PLCXD3: variants seen among roughly 807,000 people sequenced by gnomAD.
PLCXD3 encodes the protein PI-PLC X domain-containing protein 3.
Under a neutral mutation model 25.5 loss-of-function variants are expected in PLCXD3, and 19 were observed. The ratio of observed to expected loss-of-function variants is 0.75; its 90% CI spans 0.52 to 1.09. PLCXD3 has a LOEUF of 1.09. Among genes scored for constraint, PLCXD3 ranks in the 50% least tolerant of loss-of-function variants. PLCXD3 has a pLI of 0.00. For missense variants in PLCXD3, 411 were observed against 388.1 expected (o/e 1.06, Z -0.50); for synonymous variants, 174 against 137.6 (o/e 1.26, Z -1.85).
At chr5:41,428,771 G>A (rs1234411774) in intron 1 of PLCXD3, among the ~76,000 whole-genome samples, 2 of 152,038 alleles carry the variant, frequency 1.3e-5, no homozygotes, top group Non-Finnish European at 2.9e-5. Context: ...AACATTTAGT[G>A]CATTTTTCCA....
At chr5:41,429,316 A>T (rs1747038358) in intron 1 of PLCXD3, among the ~76,000 whole-genome samples, 1 of 152,082 alleles carries the variant, frequency 6.6e-6, no homozygotes, top group South Asian at 2.1e-4. Flanking sequence ...GGACAAAGAC[A>T]ACACTGCTAC....
intron 1 of PLCXD3, among the ~76,000 whole-genome samples, chr5:41,444,603 C>T (rs767131438): frequency 6.6e-6 from 1 of 152,122 alleles, no homozygotes; most frequent in Non-Finnish European, 1.5e-5. Flanking sequence ...GCAATACATG[C>T]TGGAAAGCTA....
intron 2 of PLCXD3, among the ~76,000 whole-genome samples, 158 bp downstream of exon 2, chr5:41,381,668 A>G (rs1387208909): frequency 6.6e-6 from 1 of 152,012 alleles, no homozygotes; most frequent in Non-Finnish European, 1.5e-5. Context: ...GAGATAATAT[A>G]TTTTTATTCT....
chr5:41,402,362 G>T (rs2150500089), intron 1 of PLCXD3, among the ~76,000 whole-genome samples: 1 of 151,516 alleles, frequency 6.6e-6, no homozygotes, highest in Admixed American at 6.6e-5. Context: ...TTATAAATGT[G>T]TTATTTTCCA....
intron 1 of PLCXD3, among the ~76,000 whole-genome samples, chr5:41,409,994 G>T (rs946670290): frequency 1.2e-4 from 18 of 152,264 alleles, no homozygotes; most frequent in African/African-American, 2.4e-4. Context: ...ATGAATGAAT[G>T]AAAGAATTAA....
chr5:41,453,826 A>C (rs1370689153), intron 1 of PLCXD3, among the ~76,000 whole-genome samples: 1 of 151,932 alleles, frequency 6.6e-6, no homozygotes, highest in African/African-American at 2.4e-5. Context: ...TGGTATAGCC[A>C]GTGATTTGCC....
intron 1 of PLCXD3, among the ~76,000 whole-genome samples, chr5:41,470,420 A>T (rs1015966667): frequency 2.0e-5 from 3 of 152,200 alleles, no homozygotes; most frequent in Non-Finnish European, 4.4e-5. Flanking sequence ...ATCATGGAAG[A>T]TGCAATGAGG....
intron 1 of PLCXD3, among the ~76,000 whole-genome samples, chr5:41,395,300 C>G (rs1409221399): frequency 6.6e-6 from 1 of 151,744 alleles, no homozygotes; most frequent in East Asian, 1.9e-4. Flanking sequence ...CACAATATAC[C>G]AAAACCTATG....
chr5:41,440,346 C>A (rs1052890127), intron 1 of PLCXD3, among the ~76,000 whole-genome samples: 23 of 147,140 alleles, frequency 1.6e-4, no homozygotes, highest in African/African-American at 5.3e-4. Flanking sequence ...GATTCTCCTG[C>A]CTCAGCCTCC....
chr5:41,403,365 A>G (rs1209015474), intron 1 of PLCXD3, among the ~76,000 whole-genome samples: 1 of 103,042 alleles, frequency 9.7e-6, no homozygotes, highest in Admixed American at 9.7e-5. Context: ...CACTAAGAAT[A>G]CCCATATGCC....
At chr5:41,421,555 A>C (rs796128599) in intron 1 of PLCXD3, among the ~76,000 whole-genome samples, 1 of 150,960 alleles carries the variant, frequency 6.6e-6, no homozygotes, top group Non-Finnish European at 1.5e-5. Context: ...CAAAAAATTA[A>C]CCGGGCGCGG....
At chr5:41,371,750 T>G (rs1745102898) in intron 2 of PLCXD3, among the ~76,000 whole-genome samples, 1 of 152,160 alleles carries the variant, frequency 6.6e-6, no homozygotes, top group Non-Finnish European at 1.5e-5. Flanking sequence ...TTTATGTCTC[T>G]TCTCTTGGAG....
At chr5:41,337,935 T>C (rs1744031046) in intron 2 of PLCXD3, among the ~76,000 whole-genome samples, 3 of 152,156 alleles carry the variant, frequency 2.0e-5, no homozygotes. Flanking sequence ...TGGGAAATCA[T>C]ATTACCTGAC....
intron 2 of PLCXD3, among the ~76,000 whole-genome samples, chr5:41,363,279 C>T (rs1411519263): frequency 8.5e-5 from 13 of 152,146 alleles, no homozygotes; most frequent in Non-Finnish European, 1.5e-4. Flanking sequence ...GGATAAGGGG[C>T]TATGTCCTAA....
At chr5:41,395,734 C>A (rs910512394) in intron 1 of PLCXD3, among the ~76,000 whole-genome samples, 1 of 151,992 alleles carries the variant, frequency 6.6e-6, no homozygotes, top group Non-Finnish European at 1.5e-5. Context: ...TAGATACATT[C>A]AACCTAGCAA....
intron 1 of PLCXD3, among the ~76,000 whole-genome samples, chr5:41,419,123 G>T (rs1016363321): frequency 6.6e-6 from 1 of 151,944 alleles, no homozygotes; most frequent in Non-Finnish European, 1.5e-5. Flanking sequence ...AGAGGCAGGG[G>T]GTGGGGGAAG....
At chr5:41,442,249 T>C (rs1747402263) in intron 1 of PLCXD3, among the ~76,000 whole-genome samples, 1 of 152,218 alleles carries the variant, frequency 6.6e-6, no homozygotes, top group Non-Finnish European at 1.5e-5. Context: ...GGTGTTGATC[T>C]GACAAGGAGG....
In PLCXD3 at chr5:41,367,557, T is replaced by C. The variant is rs555781602; in HGVS notation, c.812+14269A>G. Among the ~76,000 whole-genome samples, 6 of 152,314 alleles carry C rather than the reference T, an allele frequency of 3.9e-5. No individual in the cohort carries two copies. In the South Asian group the frequency reaches 8.3e-4, roughly 21 times the overall value. On this transcript the variant is annotated intron_variant, in intron 2 of 2. Transcript: ENST00000377801. ...GGATATTAGACCTTTGTCAGAAGGA[T>C]AGATTGCAAAACTTTTCTCCCATTC...
intron 1 of PLCXD3, 75 bp downstream of exon 1, chr5:41,510,348 CT>C (rs1039425801): frequency 7.7e-7 from 1 of 1,306,492 alleles, no homozygotes; most frequent in Non-Finnish European, 1.1e-6. Context: ...CAAGTTACCA[CT>C]TAGTGGCAGA....
Sources: allele counts gnomAD v4.1 joint callset (sites outside exome capture counted in the v4.1 genomes callset), GRCh38; gene constraint gnomAD v4.1.1; transcripts MANE v1.5; gene names NCBI Gene and HGNC (gene_info 2026-07-23, HGNC 2026-07-21).